Variants in WDR64 observed in about 807,000 individuals in gnomAD.
WDR64 encodes WD repeat-containing protein 64.
In WDR64, 112 loss-of-function variants were observed where a neutral mutation model predicts 139.3. The ratio of observed to expected loss-of-function variants is 0.80; its 90% CI spans 0.69 to 0.94. WDR64 has a LOEUF of 0.94. Ranked by LOEUF, WDR64 falls within the 40% of genes least tolerant of loss-of-function variation. WDR64 has a pLI of 0.00. For missense variants in WDR64, 1,206 were observed against 1,293.1 expected (o/e 0.93, Z 1.03); for synonymous variants, 444 against 437.7 (o/e 1.01, Z -0.18).
chr1:241,660,717 A>T, intron 2 of WDR64, 57 bp downstream of exon 2: 1 of 1,533,156 alleles, frequency 6.5e-7, no homozygotes. Flanking sequence ...CTAAGTTTGG[A>T]ATAAATAATT....
At chr1:241,763,488 T>C (rs1395855826) in intron 15 of WDR64, among the ~76,000 whole-genome samples, 1 of 152,206 alleles carries the variant, frequency 6.6e-6, no homozygotes, top group Non-Finnish European at 1.5e-5. Context: ...GGCGGGCAGA[T>C]AACTTGAGGT....
At chr1:241,758,044 TG>T (rs1264502914) in intron 15 of WDR64, among the ~76,000 whole-genome samples, 1 of 152,284 alleles carries the variant, frequency 6.6e-6, no homozygotes, top group East Asian at 1.9e-4. Flanking sequence ...TGCATTTGGT[TG>T]GAAAAACCTG....
chr1:241,751,011 T>C (rs1030366297), intron 14 of WDR64, among the ~76,000 whole-genome samples: 19 of 152,214 alleles, frequency 1.2e-4, no homozygotes, highest in South Asian at 6.2e-4. Flanking sequence ...TTTACTTTAT[T>C]ATTATATCTG....
chr1:241,765,709 A>G (rs1658128341), intron 15 of WDR64, among the ~76,000 whole-genome samples: 2 of 152,238 alleles, frequency 1.3e-5, no homozygotes, highest in South Asian at 4.1e-4. Context: ...TTAAAGTATT[A>G]TGTTTCTCCA....
Position 241,723,418 on chromosome 1 carries a change from C to A in WDR64, c.1176C>A (p.Val392=). The A allele has an allele frequency of 1.2e-6, 2 of 1,613,618 alleles. No individual in the cohort carries two copies. Among genetic ancestry groups the A allele is most frequent in the South Asian group, 2.2e-5 (2 of 91,006 alleles). The change falls in exon 10 of 28, where the codon GTC becomes GTA. Residue 392 remains valine, a synonymous_variant. Transcript: ENST00000437684. ...CCAATGAAAAAGATCAACATGTCGTCAGCCTTTCCTCTGCAAAGGTAACAA... is the reference window on the plus strand; with the variant it reads ...CCAATGAAAAAGATCAACATGTCGTAAGCCTTTCCTCTGCAAAGGTAACAA... The part of the protein sequence containing the change: ...IVTNEKDQHV[V]SLSSAKVFRV...
chr1:241,791,262 G>C (rs1021602915), intron 25 of WDR64, among the ~76,000 whole-genome samples: 2 of 152,092 alleles, frequency 1.3e-5, no homozygotes, highest in African/African-American at 4.8e-5. Context: ...CTCCAGCCTT[G>C]GCAACATAGC....
In WDR64 at chr1:241,726,062, C is replaced by A. The variant is rs115907037; in HGVS notation, c.1194+2626C>A. On this transcript the variant is annotated intron_variant, in intron 10 of 27. Coordinates refer to ENST00000437684, the MANE Select transcript of WDR64 (RefSeq NM_001367482.1). The stretch of plus-strand genomic sequence containing the variant: ...GAGCTCTCTTTTTTTTTTTTTAGGT[C>A]TGTCTAATTTGCTAATTTTTAAATT... 7.7e-3 allele frequency among the ~76,000 whole-genome samples: 1,146 copies of A among 148,898 alleles called. 20 individuals are homozygous for A. Among genetic ancestry groups the A allele is most frequent in the African/African-American group, 0.027 (1,101 of 40,384 alleles).
At chr1:241,710,114 C>T (rs1433043139) in intron 8 of WDR64, among the ~76,000 whole-genome samples, 1 of 152,028 alleles carries the variant, frequency 6.6e-6, no homozygotes, top group Non-Finnish European at 1.5e-5. Flanking sequence ...GGCCAGGTTT[C>T]TCCTTCCCTG....
chr1:241,716,287 G>GAAA lies in WDR64; in HGVS notation c.1054+4416_1054+4418dup, dbSNP rs10696205. Among the ~76,000 whole-genome samples the GAAA allele has an allele frequency of 3.0e-3, 442 of 145,282 alleles. 2 individuals carry two copies. The highest frequency in any genetic ancestry group is 8.6e-3 in the African/African-American group (343 of 39,832). ...TTCAAAAAAGCACAAGCTTTTGCAG[G>GAAA]AAAAAAAAAAAAGCCAAACCAGGAC... On this transcript the variant is annotated intron_variant, in intron 9 of 27. Transcript: ENST00000437684.
At position 241,762,743 on chromosome 1, in the gene WDR64, T is replaced by C. The variant is rs1657976941; in HGVS notation, c.1948-3475T>C. ...CAACCATAATATAATTTATTTCCTT[T>C]TTTATTATTATTAACCATAAAGCTT... On this transcript the variant is annotated intron_variant, in intron 15 of 27. Transcript: ENST00000437684. 3.3e-5 allele frequency among the ~76,000 whole-genome samples: 5 copies of C among 151,468 alleles called. No homozygotes were observed. The South Asian group carries it at 1.0e-3, about 31-fold the overall frequency.
chr1:241,772,449 T>C (rs1299835546), intron 19 of WDR64, among the ~76,000 whole-genome samples: 4 of 115,584 alleles, frequency 3.5e-5, no homozygotes, highest in African/African-American at 1.3e-4. Flanking sequence ...CCAAGATAGA[T>C]CCTTTTTTTT....
chr1:241,670,849 G>A (rs1215822421), intron 2 of WDR64, among the ~76,000 whole-genome samples: 1 of 152,158 alleles, frequency 6.6e-6, no homozygotes, highest in Admixed American at 6.5e-5. Context: ...CCCCTGCCCT[G>A]GTCCGTGGAA....
chr1:241,779,552 G>C (rs1271002316), intron 21 of WDR64, among the ~76,000 whole-genome samples: 1 of 152,186 alleles, frequency 6.6e-6, no homozygotes. Context: ...TGGGCCAGGT[G>C]TGGAGGCCCA....
chr1:241,781,660 G>A (rs1185356309), intron 22 of WDR64, among the ~76,000 whole-genome samples: 1 of 152,180 alleles, frequency 6.6e-6, no homozygotes, highest in Admixed American at 6.5e-5. Context: ...CACACATACA[G>A]AAAGGACAAT....
intron 8 of WDR64, among the ~76,000 whole-genome samples, chr1:241,688,878 A>G (rs1667107188): frequency 6.6e-6 from 1 of 152,180 alleles, no homozygotes; most frequent in African/African-American, 2.4e-5. Context: ...TAAAGTGAGT[A>G]TCAGTGAAAA....
chr1:241,778,347 G>A (rs1455785365), intron 21 of WDR64, among the ~76,000 whole-genome samples: 1 of 152,002 alleles, frequency 6.6e-6, no homozygotes, highest in Non-Finnish European at 1.5e-5. Flanking sequence ...GTGTTAGCGT[G>A]GTATATCTTT....
At chr1:241,668,291 C>T (rs562242306) in intron 2 of WDR64, among the ~76,000 whole-genome samples, 1 of 152,076 alleles carries the variant, frequency 6.6e-6, no homozygotes, top group Non-Finnish European at 1.5e-5. Context: ...GGGCGGATCA[C>T]GAGGTCAGGA....
At chr1:241,678,039 TCAGAAGGAGAAA>T (rs1666626894) in intron 4 of WDR64, 136 bp from the exon 5 acceptor site, 1 of 395,576 alleles carries the variant, frequency 2.5e-6, no homozygotes, top group Non-Finnish European at 4.5e-6. Flanking sequence ...GCTAGATGTT[TCAGAAGGAGAAA>T]CAGGGAGGAG....
intron 27 of WDR64, among the ~76,000 whole-genome samples, chr1:241,800,056 G>A (rs1373860097): frequency 6.6e-6 from 1 of 152,144 alleles, no homozygotes; most frequent in African/African-American, 2.4e-5. Context: ...AGACACTGCA[G>A]AAACATTTGC....
Sources: gnomAD v4.1 joint callset for allele counts (sites outside exome capture counted in the v4.1 genomes callset) on GRCh38, gnomAD v4.1.1 for gene constraint, MANE v1.5 for transcripts, NCBI Gene and HGNC (gene_info 2026-07-23, HGNC 2026-07-21) for gene names.